The following OR2L13 variants were observed in gnomAD, a reference collection of about 807,000 sequenced individuals.
The protein encoded by OR2L13 is olfactory receptor 2L13.
Under a neutral mutation model 15.3 loss-of-function variants are expected in OR2L13, and 14 were observed. The ratio of observed to expected loss-of-function variants is 0.91; its 90% CI spans 0.60 to 1.43. The LOEUF (loss-of-function observed/expected upper bound fraction) is 1.43. Among genes scored for constraint, OR2L13 ranks in the 40% most tolerant of loss-of-function variants. The pLI is 0.00. For synonymous variants in OR2L13, 152 were observed against 142.9 expected, an observed-to-expected ratio of 1.06 and a Z score of -0.45; for missense variants, 367 against 387.9, an observed-to-expected ratio of 0.95 and a Z score of 0.45.
the OR2L13 span, among the ~76,000 whole-genome samples, chr1:247,962,903 CTTTTT>C: frequency 6.6e-6 from 1 of 151,904 alleles, no homozygotes; most frequent in Non-Finnish European, 1.5e-5. Flanking sequence ...CATGTATTTT[CTTTTT>C]TTAAGAATAA....
the OR2L13 span, among the ~76,000 whole-genome samples, chr1:248,032,753 G>A: frequency 2.0e-5 from 3 of 152,002 alleles, 1 homozygote; most frequent in Admixed American, 2.0e-4. Context: ...ATTTCTCTGT[G>A]GATGGACACT....
chr1:248,025,670 T>C, the OR2L13 span, among the ~76,000 whole-genome samples: 1 of 147,420 alleles, frequency 6.8e-6, no homozygotes, highest in Non-Finnish European at 1.5e-5. Context: ...CGCGGCACTA[T>C]TCACAATAGC....
chr1:248,082,913 CAT>C, the OR2L13 span, among the ~76,000 whole-genome samples: 38 of 152,104 alleles, frequency 2.5e-4, no homozygotes, highest in Non-Finnish European at 3.2e-4. Context: ...AACCTTAAAA[CAT>C]GTGTAGAAAA....
the OR2L13 span, among the ~76,000 whole-genome samples, chr1:247,978,855 G>C: frequency 6.6e-6 from 1 of 151,502 alleles, no homozygotes; most frequent in African/African-American, 2.4e-5. Context: ...TACTCTCCTG[G>C]GCACCCTGCC....
the OR2L13 span, among the ~76,000 whole-genome samples, chr1:248,027,316 C>A: frequency 6.6e-6 from 1 of 152,200 alleles, no homozygotes; most frequent in African/African-American, 2.4e-5. Flanking sequence ...TTATCAATGA[C>A]AATGTGTGCC....
At chr1:247,965,720 T>G in the OR2L13 span, 41 of 1,556,438 alleles carry the variant, frequency 2.6e-5, no homozygotes, top group Non-Finnish European at 3.5e-6. Flanking sequence ...GCCCTTCTCC[T>G]TGGTTTTATG....
chr1:248,068,218 C>G, the OR2L13 span, among the ~76,000 whole-genome samples: 4 of 152,276 alleles, frequency 2.6e-5, no homozygotes, highest in South Asian at 2.1e-4. Flanking sequence ...GACCCCTGAC[C>G]CCTGAGCAGC....
the OR2L13 span, chr1:248,022,103 C>A: frequency 6.2e-7 from 1 of 1,613,870 alleles, no homozygotes. Context: ...TCTTGGACAC[C>A]CATCTCCACA....
chr1:247,941,642 AGAG>A, the OR2L13 span, among the ~76,000 whole-genome samples: 1 of 150,962 alleles, frequency 6.6e-6, no homozygotes, highest in African/African-American at 2.4e-5. Flanking sequence ...ATAGAGAAAA[AGAG>A]AGAGAGAGAG....
chr1:247,977,978 C>A, the OR2L13 span, among the ~76,000 whole-genome samples: 1 of 152,156 alleles, frequency 6.6e-6, no homozygotes. Flanking sequence ...CAAGTCTCTC[C>A]AGAAGGCTGA....
At chr1:248,085,785 G>C in the OR2L13 span, among the ~76,000 whole-genome samples, 2 of 152,152 alleles carry the variant, frequency 1.3e-5, no homozygotes, top group African/African-American at 4.8e-5. Context: ...GGATGCTTTT[G>C]GGATGATACT....
the OR2L13 span, among the ~76,000 whole-genome samples, chr1:247,938,638 A>G: frequency 5.2e-4 from 79 of 152,326 alleles, no homozygotes; most frequent in African/African-American, 1.9e-3. Flanking sequence ...TCATGTAAAT[A>G]AACATGCCCA....
the OR2L13 span, among the ~76,000 whole-genome samples, chr1:247,947,634 G>T: frequency 6.4e-3 from 969 of 152,252 alleles, 11 homozygotes; most frequent in African/African-American, 0.022. Context: ...AGAAGCAAAA[G>T]ACAAAATCTG....
the OR2L13 span, among the ~76,000 whole-genome samples, chr1:248,085,750 C>G: frequency 6.6e-6 from 1 of 152,148 alleles, no homozygotes; most frequent in Admixed American, 6.5e-5. Flanking sequence ...CCAAACTTTT[C>G]TACCAATGGG....
chr1:248,024,971 G>A, the OR2L13 span, among the ~76,000 whole-genome samples: 3 of 152,072 alleles, frequency 2.0e-5, no homozygotes, highest in Non-Finnish European at 4.4e-5. Flanking sequence ...GATGGGGTTG[G>A]CATTGAATCT....
chr1:248,088,850 A>G, the OR2L13 span, among the ~76,000 whole-genome samples: 3 of 152,210 alleles, frequency 2.0e-5, no homozygotes, highest in Non-Finnish European at 2.9e-5. Flanking sequence ...GATATCAACC[A>G]GTTTTATACT....
chr1:248,047,969 A>G, the OR2L13 span, among the ~76,000 whole-genome samples: 1 of 152,228 alleles, frequency 6.6e-6, no homozygotes, highest in South Asian at 2.1e-4. Context: ...ATTCAGCAAC[A>G]AAAGCTTACA....
chr1:248,029,864 C>A, the OR2L13 span, among the ~76,000 whole-genome samples: 2 of 152,254 alleles, frequency 1.3e-5, no homozygotes, highest in South Asian at 4.1e-4. Flanking sequence ...ATTGAATTTA[C>A]CCTTGACATG....
upstream of OR2L13, among the ~76,000 whole-genome samples, chr1:248,092,208 G>T (rs1664612203): frequency 6.6e-6 from 1 of 151,946 alleles, no homozygotes; most frequent in African/African-American, 2.4e-5. Flanking sequence ...GATATAGAAT[G>T]GTATCATCTA....
Sources: allele counts gnomAD v4.1 joint callset (sites outside exome capture counted in the v4.1 genomes callset), GRCh38; gene constraint gnomAD v4.1.1; transcripts MANE v1.5; gene names NCBI Gene and HGNC (gene_info 2026-07-23, HGNC 2026-07-21).